ARK2C: variants seen among roughly 807,000 people sequenced by gnomAD.
ARK2C encodes arkadia (RNF111) C-terminal like ring finger ubiquitin ligase 2C.
At chr18:46,440,464 C>T in the ARK2C span, among the ~76,000 whole-genome samples, 1 of 152,180 alleles carries the variant, frequency 6.6e-6, no homozygotes, top group South Asian at 2.1e-4. Flanking sequence ...TTATTATTCA[C>T]AGTTTCAGGC....
chr18:46,362,041 T>C, the ARK2C span, among the ~76,000 whole-genome samples: 1 of 152,234 alleles, frequency 6.6e-6, no homozygotes, highest in Admixed American at 6.5e-5. Context: ...GGAGCTTGAA[T>C]TGGGCTGGAG....
chr18:46,462,083 C>T, the ARK2C span: 1 of 152,340 alleles, frequency 6.6e-6, no homozygotes, highest in Admixed American at 6.5e-5. Flanking sequence ...GTGCGTCTCC[C>T]TCTGCCTTTG....
At chr18:46,372,519 C>T in the ARK2C span, among the ~76,000 whole-genome samples, 1 of 152,228 alleles carries the variant, frequency 6.6e-6, no homozygotes, top group African/African-American at 2.4e-5. Context: ...AAGCCCCCTT[C>T]CAGCTCACCC....
At chr18:46,352,448 T>C in the ARK2C span, among the ~76,000 whole-genome samples, 1 of 152,284 alleles carries the variant, frequency 6.6e-6, no homozygotes. Flanking sequence ...AGTAGGTTTA[T>C]TGGGTCAGAT....
chr18:46,347,211 C>T, the ARK2C span, among the ~76,000 whole-genome samples: 1 of 152,346 alleles, frequency 6.6e-6, no homozygotes, highest in African/African-American at 2.4e-5. Context: ...CCCATGTAGG[C>T]CCAGATCTGA....
the ARK2C span, among the ~76,000 whole-genome samples, chr18:46,444,458 C>T: frequency 1.3e-5 from 2 of 151,462 alleles, no homozygotes; most frequent in African/African-American, 2.4e-5. Flanking sequence ...TGATGGTGTG[C>T]TTCATTTTGG....
the ARK2C span, among the ~76,000 whole-genome samples, chr18:46,456,257 G>A: frequency 6.6e-6 from 1 of 152,214 alleles, no homozygotes; most frequent in African/African-American, 2.4e-5. Flanking sequence ...TTCTAGATGT[G>A]TGATGCCCGG....
At chr18:46,343,722 T>C in the ARK2C span, among the ~76,000 whole-genome samples, 553 of 152,304 alleles carry the variant, frequency 3.6e-3, 7 homozygotes, top group African/African-American at 0.013. Flanking sequence ...TCTATTCCTA[T>C]CACCTTTTTG....
the ARK2C span, among the ~76,000 whole-genome samples, chr18:46,442,587 T>C: frequency 3.3e-5 from 5 of 152,208 alleles, no homozygotes; most frequent in African/African-American, 1.2e-4. Context: ...ACTATCTTAG[T>C]AAATGTTCTA....
At chr18:46,396,388 G>A in the ARK2C span, among the ~76,000 whole-genome samples, 2 of 152,178 alleles carry the variant, frequency 1.3e-5, no homozygotes, top group Non-Finnish European at 2.9e-5. Context: ...TGAAGCGTTA[G>A]TGGGTTCAGG....
chr18:46,343,080 A>T, the ARK2C span, among the ~76,000 whole-genome samples: 1 of 152,220 alleles, frequency 6.6e-6, no homozygotes, highest in Non-Finnish European at 1.5e-5. Flanking sequence ...CTGGCTTCGC[A>T]TGCACTCAAA....
At chr18:46,382,909 T>C in the ARK2C span, among the ~76,000 whole-genome samples, 5 of 152,250 alleles carry the variant, frequency 3.3e-5, no homozygotes, top group Admixed American at 6.5e-5. Context: ...AACACCACCA[T>C]GAGCTCATGT....
chr18:46,418,123 A>T, the ARK2C span, among the ~76,000 whole-genome samples: 1 of 151,614 alleles, frequency 6.6e-6, no homozygotes, highest in Admixed American at 6.6e-5. Context: ...TGAAGGCAGG[A>T]GGGTCACCTG....
At chr18:46,341,141 G>A in the ARK2C span, among the ~76,000 whole-genome samples, 3 of 152,222 alleles carry the variant, frequency 2.0e-5, no homozygotes, top group East Asian at 1.9e-4. Flanking sequence ...TAAGCAGCAC[G>A]AGGTCTGGAG....
chr18:46,381,895 GGT>G, the ARK2C span, among the ~76,000 whole-genome samples: 1 of 152,086 alleles, frequency 6.6e-6, no homozygotes, highest in Admixed American at 6.5e-5. Context: ...CCGGCGAGCA[GGT>G]GTCTTTGGAG....
the ARK2C span, among the ~76,000 whole-genome samples, chr18:46,390,369 T>C: frequency 2.0e-5 from 3 of 152,200 alleles, no homozygotes; most frequent in African/African-American, 7.2e-5. Context: ...ATTGTGGAGA[T>C]TAAGCCAGAG....
chr18:46,452,954 C>T, the ARK2C span, among the ~76,000 whole-genome samples: 6 of 152,266 alleles, frequency 3.9e-5, no homozygotes, highest in East Asian at 1.9e-4. Context: ...AGCTACCATA[C>T]GGGGTGCTGT....
the ARK2C span, among the ~76,000 whole-genome samples, chr18:46,423,953 T>A: frequency 1.3e-5 from 2 of 152,238 alleles, no homozygotes; most frequent in African/African-American, 4.8e-5. Context: ...TTTCCTCTTT[T>A]ATCCAGTATC....
chr18:46,394,555 T>C, the ARK2C span, among the ~76,000 whole-genome samples: 11 of 152,318 alleles, frequency 7.2e-5, no homozygotes, highest in East Asian at 1.5e-3. Context: ...ATTCAGTTCA[T>C]CTCTGCTCAC....
Sources: gnomAD v4.1 joint callset for allele counts (sites outside exome capture counted in the v4.1 genomes callset) on GRCh38, gnomAD v4.1.1 for gene constraint, MANE v1.5 for transcripts, NCBI Gene and HGNC (gene_info 2026-07-23, HGNC 2026-07-21) for gene names.